Variants in KAZN observed in about 807,000 individuals in gnomAD.
KAZN encodes the protein kazrin, periplakin interacting protein.
A neutral mutation model predicts 87.4 loss-of-function variants in KAZN; 40 were observed. That is an observed-to-expected ratio of 0.46 (90% confidence interval 0.36 to 0.60). The LOEUF is 0.60. KAZN is among the 20% of genes least tolerant of loss of function. The probability of loss-of-function intolerance (pLI) is 0.00; values close to 1 mark genes in which losing one functional copy is unlikely to be tolerated. For synonymous variants in KAZN, 466 were observed against 458.3 expected, an observed-to-expected ratio of 1.02 and a Z score of -0.22; for missense variants, 898 against 1,073.9, an observed-to-expected ratio of 0.84 and a Z score of 2.29.
Position 14,161,486 on chromosome 1 carries a change from A to T in KAZN, c.92-18949A>T, listed in dbSNP as rs540664563. On this transcript the variant is annotated intron_variant, in intron 1 of 16. Transcript: ENST00000636203. ...AATGCCTTACCATGTGGACCTTTTT[A>T]CAAAGTTGCCGAAGTCTTCACAACT... Among the ~76,000 whole-genome samples the T allele has an allele frequency of 8.5e-5, 13 of 152,344 alleles. No individual in the cohort carries two copies. The East Asian group carries it at 2.5e-3, about 29-fold the overall frequency.
At chr1:13,949,161 G>C (rs1291215631) in intron 1 of KAZN, among the ~76,000 whole-genome samples, 1 of 152,178 alleles carries the variant, frequency 6.6e-6, no homozygotes, top group Non-Finnish European at 1.5e-5. Context: ...GGGAGCAGCT[G>C]TCCCAGAAAT....
chr1:14,485,323 C>T (rs115409605), intron 2 of KAZN, among the ~76,000 whole-genome samples: 131 of 152,282 alleles, frequency 8.6e-4, no homozygotes, highest in African/African-American at 2.9e-3. Context: ...TAGTGCCACC[C>T]ACTTTGAATT....
intron 1 of KAZN, among the ~76,000 whole-genome samples, chr1:14,036,146 C>T (rs1166014692): frequency 6.6e-6 from 1 of 152,138 alleles, no homozygotes; most frequent in African/African-American, 2.4e-5. Flanking sequence ...CAAAAGTGCA[C>T]CTTTTGAACA....
chr1:15,097,082 G>A (rs1024996231), intron 10 of KAZN, among the ~76,000 whole-genome samples: 1 of 152,222 alleles, frequency 6.6e-6, no homozygotes, highest in Non-Finnish European at 1.5e-5. Context: ...TTTGCCACAT[G>A]ACCTTGCCCT....
At chr1:14,774,542 C>G (rs1422510235) in intron 1 of KAZN, among the ~76,000 whole-genome samples, 1 of 150,584 alleles carries the variant, frequency 6.6e-6, no homozygotes, top group Admixed American at 6.7e-5. Context: ...GCAATCATAG[C>G]TCACTGTAAC....
intron 1 of KAZN, among the ~76,000 whole-genome samples, chr1:14,108,673 T>A (rs1025764764): frequency 2.0e-4 from 31 of 152,192 alleles, no homozygotes; most frequent in African/African-American, 7.2e-4. Flanking sequence ...TCCTCTTACG[T>A]ATCCCCAAAG....
chr1:14,007,842 C>T (rs538339514), intron 1 of KAZN, among the ~76,000 whole-genome samples: 79 of 152,134 alleles, frequency 5.2e-4, no homozygotes, highest in Non-Finnish European at 1.0e-3. Flanking sequence ...AACTCTAAGT[C>T]GGCGGGAGCT....
intron 2 of KAZN, among the ~76,000 whole-genome samples, chr1:14,349,857 C>G (rs1030939553): frequency 2.3e-4 from 35 of 152,034 alleles, no homozygotes; most frequent in African/African-American, 7.7e-4. Flanking sequence ...TGACAAGAGG[C>G]CCGGTGCGGT....
At chr1:14,946,270 G>A (rs1259698715) in intron 1 of KAZN, 1 of 151,612 alleles carries the variant, frequency 6.6e-6, no homozygotes, top group Non-Finnish European at 1.5e-5. Flanking sequence ...GAGTCCCCAG[G>A]TTTGCCATTT....
chr1:14,985,996 C>T (rs555935076), intron 2 of KAZN, among the ~76,000 whole-genome samples: 2 of 104,648 alleles, frequency 1.9e-5, no homozygotes, highest in East Asian at 5.5e-4. Context: ...GAGCCAGACT[C>T]TGTCTCAAAA....
At chr1:14,582,131 T>A (rs1675594462) in intron 2 of KAZN, among the ~76,000 whole-genome samples, 1 of 149,168 alleles carries the variant, frequency 6.7e-6, no homozygotes, top group Non-Finnish European at 1.5e-5. Context: ...GATCACAACA[T>A]CCCTATTTTA....
In KAZN at chr1:14,818,993, C is replaced by T. The variant is rs114008898; in HGVS notation, c.227-141691C>T. 5.4e-3 allele frequency among the ~76,000 whole-genome samples: 823 copies of T among 152,214 alleles called. 7 individuals carry two copies. Among genetic ancestry groups the T allele is most frequent in the African/African-American group, 0.019 (785 of 41,524 alleles). ...TCGCTTGAATCTGGGAGGCAAACGC[C>T]GCAGTGAGCCGAGATCGTGCCATTG... On this transcript the variant is annotated intron_variant, in intron 1 of 14. Coordinates refer to ENST00000376030, the MANE Select transcript of KAZN (RefSeq NM_201628.3).
intron 2 of KAZN, among the ~76,000 whole-genome samples, chr1:14,502,331 A>T (rs1171044775): frequency 6.6e-6 from 1 of 152,194 alleles, no homozygotes; most frequent in Non-Finnish European, 1.5e-5. Context: ...TTCACCACAT[A>T]TCAACTGAAT....
intron 2 of KAZN, among the ~76,000 whole-genome samples, chr1:14,284,586 C>T (rs529340188): frequency 1.3e-5 from 2 of 152,212 alleles, no homozygotes; most frequent in East Asian, 1.9e-4. Flanking sequence ...TCTTTATTCT[C>T]AGAGTAAGGG....
chr1:14,159,103 C>T (rs1319854194), intron 1 of KAZN, among the ~76,000 whole-genome samples: 1 of 152,124 alleles, frequency 6.6e-6, no homozygotes, highest in Admixed American at 6.5e-5. Flanking sequence ...TGTAACCACT[C>T]TCTGCCTATG....
chr1:14,126,836 T>G (rs1644881514), intron 1 of KAZN, among the ~76,000 whole-genome samples: 1 of 152,204 alleles, frequency 6.6e-6, no homozygotes, highest in South Asian at 2.1e-4. Context: ...CCAGGTGCGG[T>G]GGGTCACGCC....
chr1:14,804,413 T>A (rs1646138327), intron 1 of KAZN, among the ~76,000 whole-genome samples: 1 of 151,938 alleles, frequency 6.6e-6, no homozygotes, highest in South Asian at 2.1e-4. Context: ...TCCTTGTGTC[T>A]CCCCACTCAA....
At position 14,465,490 on chromosome 1, in the gene KAZN, C is replaced by T. The variant is rs560865264; in HGVS notation, c.250-133493C>T. Among the ~76,000 whole-genome samples, 3 of 151,238 alleles carry T rather than the reference C, an allele frequency of 2.0e-5. No homozygotes were observed. In the East Asian group the frequency reaches 5.9e-4, roughly 30 times the overall value. On this transcript the variant is annotated intron_variant, in intron 2 of 16. Transcript: ENST00000636203. ...ATTCTGCTGTACCTATCACTTGGAG[C>T]ACCTGCATAGCTTCCCTAGCACAGA...
chr1:14,879,379 A>G (rs1429566223), intron 1 of KAZN, among the ~76,000 whole-genome samples: 1 of 152,236 alleles, frequency 6.6e-6, no homozygotes, highest in East Asian at 1.9e-4. Context: ...TAATGATTAC[A>G]TATATGATGA....
Sources: allele counts gnomAD v4.1 joint callset (sites outside exome capture counted in the v4.1 genomes callset), GRCh38; gene constraint gnomAD v4.1.1; transcripts MANE v1.5; gene names NCBI Gene and HGNC (gene_info 2026-07-23, HGNC 2026-07-21).